ACAN: variants seen among roughly 807,000 people sequenced by gnomAD.
ACAN encodes aggrecan core protein.
A neutral mutation model predicts 169.1 loss-of-function variants in ACAN; 47 were observed. That is an observed-to-expected ratio of 0.28 (90% CI 0.22 to 0.35). The LOEUF (loss-of-function observed/expected upper bound fraction) is 0.35, where lower values mean the gene tolerates loss of function less well. ACAN is among the 10% of genes least tolerant of loss of function. The probability of loss-of-function intolerance (pLI) is 1.00; values close to 1 mark genes in which losing one functional copy is unlikely to be tolerated. For missense variants in ACAN, 2,716 were observed against 2,759.9 expected (o/e 0.98, Z 0.36); for synonymous variants, 1,115 against 1,112.2 (o/e 1.00, Z -0.05).
Position 88,856,984 on chromosome 15 carries a change from C to G in ACAN, c.4399C>G (p.Leu1467Val), listed in dbSNP as rs368875483. The change falls in exon 12 of 19, where the codon CTC (leucine) becomes GTC (valine). Residue 1467 changes from leucine (L) to valine (V), a missense_variant. Physicochemically the swap from Leu to Val is conservative, Grantham distance 32. This residue lies in a region of ACAN where 1,389 missense variants were observed against 1,363.7 expected (regional missense o/e 1.02). Coordinates refer to ENST00000560601, the MANE Select transcript of ACAN (RefSeq NM_001369268.1). Reference protein sequence around the residue: ...LETSTSAVGDLSGLPSGGEVL... With the variant: ...LETSTSAVGDVSGLPSGGEVL... ...GACTTCTACCTCTGCGGTAGGGGAC[C>G]TCAGTGGACTTCCTTCTGGAGGAGA... is the stretch of plus-strand genomic sequence containing the variant. 1 of 1,610,776 alleles carries G rather than the reference C, an allele frequency of 6.2e-7. No homozygotes were observed. Among genetic ancestry groups the G allele is most frequent in the East Asian group, 2.2e-5 (1 of 44,774 alleles).
At position 88,859,110 on chromosome 15, in the gene ACAN, T is replaced by C. The variant is rs780978239; in HGVS notation, c.6525T>C (p.Ser2175=). 1 of 1,613,778 alleles carries C rather than the reference T, an allele frequency of 6.2e-7. No homozygotes were observed. Among genetic ancestry groups the C allele is most frequent in the South Asian group, 1.1e-5 (1 of 91,068 alleles). The change falls in exon 12 of 19, where the codon AGT becomes AGC. Residue 2175 remains serine, a synonymous_variant. Transcript: ENST00000560601. ...PEVSGESTTT[S]DVGTEAPGLP... ...TGAGTGGAGAATCCACCACCACCAG[T>C]GATGTGGGGACAGAGGCACCAGGCT...
At chr15:88,815,423 G>T (rs189705138) in intron 1 of ACAN, among the ~76,000 whole-genome samples, 2 of 151,886 alleles carry the variant, frequency 1.3e-5, no homozygotes, top group African/African-American at 4.8e-5. Context: ...ACTGGGTGAG[G>T]CAGCAGGCAC....
rs1052491778 is a variant in ACAN, at chr15:88,870,760, A to G, written c.7061-622A>G. Among the ~76,000 whole-genome samples the G allele has an allele frequency of 7.9e-5, 12 of 152,128 alleles. No homozygotes were observed. Among genetic ancestry groups the G allele is most frequent in the Middle Eastern group, 3.4e-3 (1 of 294 alleles). On this transcript the variant is annotated intron_variant, in intron 14 of 18. Coordinates refer to ENST00000560601, the MANE Select transcript of ACAN (RefSeq NM_001369268.1). The surrounding 1 kb of genome is among the most constrained non-coding windows in gnomAD (Gnocchi z 6.3). ...AGGGCCCCTGGATCCCAGACCCCCA[A>G]TGGGCTATCTGACCCCTGCAAGAGG...
In ACAN at chr15:88,838,152, G is replaced by A. The variant is rs573215353; in HGVS notation, c.71-511G>A. Among the ~76,000 whole-genome samples the A allele has an allele frequency of 6.6e-6, 1 of 152,066 alleles. No homozygotes were observed. Among genetic ancestry groups the A allele is most frequent in the Non-Finnish European group, 1.5e-5 (1 of 68,024 alleles). ...CAGCAGAAGAGAGTGACTTGTCCCGGTGGCAAAATCAGGCTCGCACCCAAA... is the reference window on the plus strand; with the variant it reads ...CAGCAGAAGAGAGTGACTTGTCCCGATGGCAAAATCAGGCTCGCACCCAAA... On this transcript the variant is annotated intron_variant, in intron 2 of 18. Coordinates refer to ENST00000560601, the MANE Select transcript of ACAN (RefSeq NM_001369268.1). This position sits in a 1 kb window ranked among gnomAD's most constrained non-coding sequence, Gnocchi z 5.1.
Position 88,843,372 on chromosome 15 carries a change from A to C in ACAN, c.775A>C (p.Thr259Pro). 1 of 1,583,492 alleles carries C rather than the reference A, an allele frequency of 6.3e-7. No individual in the cohort carries two copies. Among genetic ancestry groups the C allele is most frequent in the Non-Finnish European group, 8.6e-7 (1 of 1,159,284 alleles). Residue 259 changes from threonine to proline, a missense_variant, in exon 6 of 19, where the codon ACA (threonine) becomes CCA (proline). Coordinates refer to ENST00000560601, the MANE Select transcript of ACAN (RefSeq NM_001369268.1). The surrounding 1 kb of genome is among the most constrained non-coding windows in gnomAD (Gnocchi z 4.0). ...CTTCACAGGTGAGGTCTTTTATGCAACATCTCCAGAGAAGTTCACCTTCCA... is the reference window on the plus strand; with the variant it reads ...CTTCACAGGTGAGGTCTTTTATGCACCATCTCCAGAGAAGTTCACCTTCCA... ...EEMEGEVFYA[T>P]SPEKFTFQEA...
At chr15:88,804,544 G>A (rs1354428155) in intron 1 of ACAN, among the ~76,000 whole-genome samples, 1 of 152,142 alleles carries the variant, frequency 6.6e-6, no homozygotes. Flanking sequence ...GAGGACACAC[G>A]ACCACGAGCG....
intron 13 of ACAN, among the ~76,000 whole-genome samples, chr15:88,862,359 C>T (rs925245353): frequency 6.6e-6 from 1 of 152,212 alleles, no homozygotes; most frequent in African/African-American, 2.4e-5. Context: ...TCCCAGGCGA[C>T]TCCAATGTGC....
intron 1 of ACAN, among the ~76,000 whole-genome samples, chr15:88,809,433 T>C (rs1431815149): frequency 6.6e-6 from 1 of 152,170 alleles, no homozygotes; most frequent in Non-Finnish European, 1.5e-5. Context: ...CAAGATCCAG[T>C]GAGGACCTCC....
At chr15:88,806,284 T>G (rs1368770474) in intron 1 of ACAN, among the ~76,000 whole-genome samples, 1 of 151,876 alleles carries the variant, frequency 6.6e-6, no homozygotes, top group African/African-American at 2.4e-5. Context: ...AAACCCCAAG[T>G]TATGGATAGC....
Position 88,849,863 on chromosome 15 carries a change from C to T in ACAN, c.2026+132C>T, listed in dbSNP as rs1386346731. On this transcript the variant is annotated intron_variant, in intron 10 of 18. Transcript: ENST00000560601. The surrounding 1 kb of genome is among the most constrained non-coding windows in gnomAD (Gnocchi z 5.1). ...AATGTCAGTCCCTCTGGGGCAGAGC[C>T]AGCTCTGAAACCAGCACAACGCAGG... 1 of 1,316,482 alleles carries T rather than the reference C, an allele frequency of 7.6e-7. No homozygotes were observed. Among genetic ancestry groups the T allele is most frequent in the Non-Finnish European group, 1.1e-6 (1 of 940,924 alleles). The allele number at this position is 1,316,482 out of a possible 1,614,324, so 81.6% of individuals were successfully genotyped here. A position where few individuals can be genotyped will look rare whatever the true frequency, so the allele number is the denominator to read the frequency against.
rs916144776 is a variant in ACAN at position 88,807,815 on chromosome 15, G to C, written c.-8+4006G>C. On this transcript the variant is annotated intron_variant, in intron 1 of 18. Transcript: ENST00000560601. This position sits in a 1 kb window ranked among gnomAD's most constrained non-coding sequence, Gnocchi z 4.0. ...GCTGGCAGGGCGGGCCCTGCGGGCT[G>C]GCCAGGCCTGTGAGAGGTGACTTCT... is the stretch of plus-strand genomic sequence containing the variant. Among the ~76,000 whole-genome samples the C allele has an allele frequency of 5.3e-5, 8 of 149,982 alleles. No homozygotes were observed. The highest frequency in any genetic ancestry group is 1.5e-5 in the Non-Finnish European group (1 of 67,544).
Position 88,838,934 on chromosome 15 carries a change from T to G in ACAN, c.342T>G (p.Ser114Arg). 1 of 1,613,980 alleles carries G rather than the reference T, an allele frequency of 6.2e-7. No homozygotes were observed. Among genetic ancestry groups the G allele is most frequent in the East Asian group, 2.2e-5 (1 of 44,886 alleles). ...TGCCCAACTACCCGGCCATCCCCAG[T>G]GACGCCACCTTGGAAGTCCAGAGCC... Reference protein sequence around the residue: ...VSLPNYPAIPSDATLEVQSLR... With the variant: ...VSLPNYPAIPRDATLEVQSLR... Residue 114 changes from serine (S) to arginine (R), a missense_variant, in exon 3 of 19, where the codon AGT becomes AGG. Coordinates refer to ENST00000560601, the MANE Select transcript of ACAN (RefSeq NM_001369268.1). The surrounding 1 kb of genome is among the most constrained non-coding windows in gnomAD (Gnocchi z 5.1).
At position 88,849,921 on chromosome 15, in the gene ACAN, G is replaced by T; in HGVS notation, c.2026+190G>T. 3 of 790,724 alleles carry T rather than the reference G, an allele frequency of 3.8e-6. No individual in the cohort carries two copies. Among genetic ancestry groups the T allele is most frequent in the Non-Finnish European group, 6.4e-6 (3 of 467,412 alleles). 49.0% of individuals were successfully genotyped at this position (790,724 alleles called of 1,614,324 possible). A position where few individuals can be genotyped will look rare whatever the true frequency, so the allele number is the denominator to read the frequency against. On this transcript the variant is annotated intron_variant, in intron 10 of 18. Coordinates refer to ENST00000560601, the MANE Select transcript of ACAN (RefSeq NM_001369268.1). The surrounding 1 kb of genome is among the most constrained non-coding windows in gnomAD (Gnocchi z 5.1). ...CCCAAGGCAAGGTCATCCTTCTAAA[G>T]TTCCCCAGAGACAAGTAGAGATAAA...
At chr15:88,821,039 G>A (rs1896063375) in intron 1 of ACAN, among the ~76,000 whole-genome samples, 1 of 152,130 alleles carries the variant, frequency 6.6e-6, no homozygotes, top group South Asian at 2.1e-4. Flanking sequence ...AAAACTATCA[G>A]ACTTCATGAG....
chr15:88,816,390 T>C (rs959692894), intron 1 of ACAN, among the ~76,000 whole-genome samples: 1 of 152,206 alleles, frequency 6.6e-6, no homozygotes, highest in African/African-American at 2.4e-5. Flanking sequence ...ATTAAACAAA[T>C]GATGTATTCT....
rs772697028 is a variant in ACAN, at chr15:88,843,538, C to A, written c.941C>A (p.Ala314Asp). 7 of 1,612,620 alleles carry A rather than the reference C, an allele frequency of 4.3e-6. No homozygotes were observed. The highest frequency in any genetic ancestry group is 2.2e-5 in the South Asian group (2 of 91,052). Residue 314 changes from alanine (A) to aspartate (D), a missense_variant, in exon 6 of 19, where the codon GCC (alanine) becomes GAC (aspartate). By Grantham distance (126) the Ala-to-Asp change is moderately radical. This residue lies in a region of ACAN where 1,283 missense variants were observed against 1,281.5 expected (regional missense o/e 1.00). Coordinates refer to ENST00000560601, the MANE Select transcript of ACAN (RefSeq NM_001369268.1). The surrounding 1 kb of genome is among the most constrained non-coding windows in gnomAD (Gnocchi z 4.0). ...AGCGTGCGCTACCCCATCTCCAAGG[C>A]CCGGCCCAACTGCGGTGGCAACCTC... The part of the protein sequence containing the change: ...DRSVRYPISK[A>D]RPNCGGNLLG...
Position 88,873,677 on chromosome 15 carries a change from G to C in ACAN, c.7448-165G>C. ...CTGTTCTAAATTGTTGAGGAACCCA[G>C]ATGTTACAGCCAGCGGCTTCCAGAT... On this transcript the variant is annotated intron_variant, in intron 17 of 18. Coordinates refer to ENST00000560601, the MANE Select transcript of ACAN (RefSeq NM_001369268.1). This position sits in a 1 kb window ranked among gnomAD's most constrained non-coding sequence, Gnocchi z 7.5. 1.5e-6 allele frequency: 1 copy of C among 679,042 alleles called. No individual in the cohort carries two copies. The highest frequency in any genetic ancestry group is 2.5e-6 in the Non-Finnish European group (1 of 407,716). 42.1% of individuals were successfully genotyped at this position (679,042 alleles called of 1,614,324 possible).
intron 1 of ACAN, among the ~76,000 whole-genome samples, chr15:88,818,742 C>T (rs1387804112): frequency 6.6e-6 from 1 of 152,120 alleles, no homozygotes; most frequent in African/African-American, 2.4e-5. Flanking sequence ...GAATTTTGAT[C>T]GTACCTGGTT....
intron 1 of ACAN, among the ~76,000 whole-genome samples, chr15:88,816,447 G>A (rs1895944277): frequency 6.6e-6 from 1 of 152,364 alleles, no homozygotes; most frequent in Admixed American, 6.5e-5. Flanking sequence ...GGCAGGTTGA[G>A]TAGAAAGTGT....
Sources: allele counts gnomAD v4.1 joint callset (sites outside exome capture counted in the v4.1 genomes callset), GRCh38; gene constraint gnomAD v4.1.1; regional missense constraint gnomAD v4.1.1; non-coding constraint Gnocchi (gnomAD v3.1); transcripts MANE v1.5; gene names NCBI Gene and HGNC (gene_info 2026-07-23, HGNC 2026-07-21).